The following PHF21B variants were observed in gnomAD, a reference collection of about 807,000 sequenced individuals.
PHF21B encodes the protein PHD finger protein 21B.
PHF21B carries 22 observed loss-of-function variants against 62.2 expected under a neutral mutation model. The ratio of observed to expected loss-of-function variants is 0.35; its 90% CI spans 0.25 to 0.51. The LOEUF (loss-of-function observed/expected upper bound fraction) is 0.51. Among genes scored for constraint, PHF21B ranks in the 20% least tolerant of loss-of-function variants. The pLI is 0.97. For missense variants in PHF21B, 701 were observed against 707.9 expected (o/e 0.99, Z 0.11); for synonymous variants, 341 against 314.7 (o/e 1.08, Z -0.88).
intron 2 of PHF21B, among the ~76,000 whole-genome samples, chr22:44,943,008 C>A (rs1022164031): frequency 9.0e-5 from 11 of 122,478 alleles, no homozygotes; most frequent in Non-Finnish European, 1.7e-4. Context: ...CCCCCCCCCC[C>A]ATCCTCAGAA....
rs551146548 is a variant in PHF21B, at chr22:44,927,901, C to T, written c.121-7411G>A. 4.6e-4 allele frequency among the ~76,000 whole-genome samples: 70 copies of T among 152,218 alleles called. 1 individual carries two copies. The highest frequency in any genetic ancestry group is 1.6e-3 in the Admixed American group (24 of 15,292). ...AAGCATTTTAATAGGGGGTAAAAAA[C>T]GGGCCATAACAGTCAAAGATAACTT... On this transcript the variant is annotated intron_variant, in intron 2 of 12. Transcript: ENST00000313237.
intron 2 of PHF21B, among the ~76,000 whole-genome samples, chr22:44,964,906 G>A (rs922348053): frequency 6.6e-6 from 1 of 152,194 alleles, no homozygotes; most frequent in Non-Finnish European, 1.5e-5. Flanking sequence ...TCTGCAGTGT[G>A]AGGCCGGGCA....
chr22:44,908,884 G>A lies in PHF21B; in HGVS notation c.831+4938C>T, dbSNP rs144540031. 4.2e-3 allele frequency among the ~76,000 whole-genome samples: 638 copies of A among 152,268 alleles called. 3 individuals carry two copies. Among genetic ancestry groups the A allele is most frequent in the African/African-American group, 0.014 (570 of 41,552 alleles). On this transcript the variant is annotated intron_variant, in intron 5 of 12. Transcript: ENST00000313237. ...GCAATCTTGGCTCACCGCAACCTCC[G>A]CCTCCCAGGTTCAAGCGATTCTCCT...
intron 2 of PHF21B, among the ~76,000 whole-genome samples, chr22:44,998,464 T>C (rs1018722367): frequency 6.6e-6 from 1 of 152,126 alleles, no homozygotes; most frequent in African/African-American, 2.4e-5. Context: ...CTGGGTGCAA[T>C]TCCCAACCCC....
chr22:44,913,718 G>T, intron 5 of PHF21B, 104 bp downstream of exon 5: 4 of 1,435,484 alleles, frequency 2.8e-6, no homozygotes, highest in East Asian at 2.4e-5. Context: ...CCCACGGCTT[G>T]TCGGGACCAC....
At chr22:44,924,269 C>A (rs1392900946) in intron 2 of PHF21B, among the ~76,000 whole-genome samples, 1 of 152,202 alleles carries the variant, frequency 6.6e-6, no homozygotes, top group East Asian at 1.9e-4. Flanking sequence ...ATTAAAAAGA[C>A]TGACCAAATC....
Position 44,916,299 on chromosome 22 carries a change from A to G in PHF21B, c.545T>C (p.Leu182Pro). 1 of 1,606,368 alleles carries G rather than the reference A, an allele frequency of 6.2e-7. No individual in the cohort carries two copies. The highest frequency in any genetic ancestry group is 8.5e-7 in the Non-Finnish European group (1 of 1,178,524). The change falls in exon 4 of 13, where the codon CTC becomes CCC. Residue 182 changes from leucine (L) to proline (P), a missense_variant. Physicochemically the swap from Leu to Pro is moderately conservative, Grantham distance 98 (BLOSUM62 -3). Coordinates refer to ENST00000313237, the MANE Select transcript of PHF21B (RefSeq NM_138415.5). ...VSDSIKVQPLLISADNKPPPR... is the reference protein window; with the variant it reads ...VSDSIKVQPLPISADNKPPPR... ...ACTCACCTTGTTGTCAGCACTGATG[A>G]GGAGGGGCTGGACTTTGATGCTGTC...
chr22:44,923,707 A>G (rs536061999), intron 2 of PHF21B, among the ~76,000 whole-genome samples: 1 of 152,294 alleles, frequency 6.6e-6, no homozygotes, highest in African/African-American at 2.4e-5. Context: ...CAATATTTGA[A>G]CAGATACTCC....
intron 4 of PHF21B, among the ~76,000 whole-genome samples, chr22:44,915,569 G>A (rs115097124): frequency 6.6e-6 from 1 of 152,210 alleles, no homozygotes; most frequent in East Asian, 1.9e-4. Context: ...GGAAGCACAG[G>A]ACTCCCGGGA....
In PHF21B at chr22:44,889,916, T is replaced by A. The variant is rs558735431; in HGVS notation, c.1016-134A>T. ...TGATGGGAGCATCATAAGGCCCCCA[T>A]GATACCTGGGCTCTCACCCCAGGGC... is the stretch of plus-strand genomic sequence containing the variant. On this transcript the variant is annotated intron_variant, in intron 8 of 12. Coordinates refer to ENST00000313237, the MANE Select transcript of PHF21B (RefSeq NM_138415.5). 7.6e-6 allele frequency: 7 copies of A among 924,484 alleles called. No individual in the cohort carries two copies. The East Asian group carries it at 2.1e-4, about 28-fold the overall frequency. The allele number at this position is 924,484 out of a possible 1,614,324, so 57.3% of individuals were successfully genotyped here.
intron 2 of PHF21B, among the ~76,000 whole-genome samples, chr22:44,981,717 C>A (rs552463882): frequency 6.6e-6 from 1 of 152,176 alleles, no homozygotes; most frequent in Non-Finnish European, 1.5e-5. Flanking sequence ...CTTTTCTGTG[C>A]CCCTTAACAA....
At chr22:44,958,808 G>T (rs1435130755) in intron 2 of PHF21B, among the ~76,000 whole-genome samples, 1 of 151,490 alleles carries the variant, frequency 6.6e-6, no homozygotes, top group Non-Finnish European at 1.5e-5. Context: ...GTAGAGACAG[G>T]GTTTTTGTAT....
chr22:44,935,028 A>G lies in PHF21B; in HGVS notation c.121-14538T>C, dbSNP rs187269210. Among the ~76,000 whole-genome samples the G allele has an allele frequency of 2.9e-3, 442 of 152,276 alleles. 3 individuals carry two copies. The highest frequency in any genetic ancestry group is 4.4e-3 in the Non-Finnish European group (296 of 68,028). The stretch of plus-strand genomic sequence containing the variant: ...AGAAGAAGTTCCCAGGGCCTTTGAT[A>G]TCTCTGTGGCTGGTTAAACACACAC... On this transcript the variant is annotated intron_variant, in intron 2 of 12. Coordinates refer to ENST00000313237, the MANE Select transcript of PHF21B (RefSeq NM_138415.5).
At chr22:44,902,747 A>T (rs111860092) in intron 5 of PHF21B, among the ~76,000 whole-genome samples, 2 of 152,218 alleles carry the variant, frequency 1.3e-5, no homozygotes, top group African/African-American at 4.8e-5. Flanking sequence ...TCACAGCAGG[A>T]TATCAATTTT....
chr22:44,891,715 T>C (rs1002010050), intron 7 of PHF21B, among the ~76,000 whole-genome samples: 3 of 152,212 alleles, frequency 2.0e-5, no homozygotes, highest in African/African-American at 7.2e-5. Context: ...GCCTCTCAAC[T>C]GGGTCTGGAG....
rs539282977 is a variant in PHF21B, at chr22:45,004,259, T to C, written c.120+4286A>G. On this transcript the variant is annotated intron_variant, in intron 2 of 12. Coordinates refer to ENST00000313237, the MANE Select transcript of PHF21B (RefSeq NM_138415.5). ...TAAAATATATCTCAATAAAGCTGTT[T>C]TGTTGATGTTTTTAAGTAGACGCAG... 3.3e-5 allele frequency among the ~76,000 whole-genome samples: 5 copies of C among 152,302 alleles called. No individual in the cohort carries two copies. The South Asian group carries it at 1.0e-3, about 32-fold the overall frequency.
chr22:44,998,237 C>G (rs2073154113), intron 2 of PHF21B, among the ~76,000 whole-genome samples: 1 of 152,216 alleles, frequency 6.6e-6, no homozygotes, highest in African/African-American at 2.4e-5. Context: ...CCCAGGTGTC[C>G]TGAGGGTCCT....
At chr22:44,976,009 A>C (rs2072732141) in intron 2 of PHF21B, among the ~76,000 whole-genome samples, 1 of 152,118 alleles carries the variant, frequency 6.6e-6, no homozygotes, top group Non-Finnish European at 1.5e-5. Context: ...CTCTACAAAA[A>C]AATTCAAAAA....
intron 2 of PHF21B, among the ~76,000 whole-genome samples, chr22:44,948,823 T>C (rs1281408201): frequency 2.6e-5 from 4 of 152,162 alleles, no homozygotes; most frequent in Admixed American, 6.5e-5. Context: ...CCAGAACATA[T>C]GGAGATTTGA....
Sources: allele counts gnomAD v4.1 joint callset (sites outside exome capture counted in the v4.1 genomes callset), GRCh38; gene constraint gnomAD v4.1.1; transcripts MANE v1.5; gene names NCBI Gene and HGNC (gene_info 2026-07-23, HGNC 2026-07-21).